KIAA1217: variants seen among roughly 807,000 people sequenced by gnomAD.
KIAA1217 encodes the protein KIAA1217.
Under a neutral mutation model 163.9 loss-of-function variants are expected in KIAA1217, and 88 were observed. That is an observed-to-expected ratio of 0.54 (90% confidence interval 0.45 to 0.64). KIAA1217 has a LOEUF of 0.64. Ranked by LOEUF, KIAA1217 falls within the 30% of genes least tolerant of loss-of-function variation. The probability of loss-of-function intolerance (pLI) is 0.00; values close to 1 mark genes in which losing one functional copy is unlikely to be tolerated. For missense variants in KIAA1217, 2,372 were observed against 2,475.0 expected (o/e 0.96, Z 0.88); for synonymous variants, 903 against 923.1 (o/e 0.98, Z 0.39).
At chr10:23,790,380 TATATACATATGTATATATACATATATAC>T (rs1835785374) in intron 1 of KIAA1217, among the ~76,000 whole-genome samples, 1 of 81,240 alleles carries the variant, frequency 1.2e-5, no homozygotes, top group Non-Finnish European at 2.5e-5. Context: ...TACATATGTA[TATATACATATGTATATATACATATATAC>T]ATATACATAT....
intron 4 of KIAA1217, among the ~76,000 whole-genome samples, chr10:24,436,576 G>A (rs964313819): frequency 6.6e-6 from 1 of 151,476 alleles, no homozygotes. Flanking sequence ...GGTTAACACA[G>A]TGAAAACCCG....
At chr10:23,700,176 C>G (rs1406135990) in intron 1 of KIAA1217, among the ~76,000 whole-genome samples, 1 of 152,140 alleles carries the variant, frequency 6.6e-6, no homozygotes, top group Admixed American at 6.5e-5. Context: ...AGTGGCAGCC[C>G]CATTTTTGTC....
chr10:24,249,964 G>A (rs1482170413), intron 2 of KIAA1217, among the ~76,000 whole-genome samples: 1 of 152,196 alleles, frequency 6.6e-6, no homozygotes, highest in Non-Finnish European at 1.5e-5. Flanking sequence ...ATCAATGACT[G>A]ACTTCTTGCC....
chr10:24,201,397 A>G (rs1028571840), intron 2 of KIAA1217, among the ~76,000 whole-genome samples: 2 of 152,178 alleles, frequency 1.3e-5, no homozygotes, highest in African/African-American at 4.8e-5. Flanking sequence ...ATCCCACTCA[A>G]TATTGTCCAG....
intron 2 of KIAA1217, among the ~76,000 whole-genome samples, chr10:24,377,595 T>TA (rs1020076967): frequency 6.6e-6 from 1 of 152,138 alleles, no homozygotes; most frequent in African/African-American, 2.4e-5. Flanking sequence ...TTTCTTATGG[T>TA]AAAAAAATGA....
chr10:24,331,448 C>T (rs915395009), intron 2 of KIAA1217, among the ~76,000 whole-genome samples: 4 of 152,210 alleles, frequency 2.6e-5, no homozygotes, highest in Admixed American at 2.0e-4. Flanking sequence ...GAGGAAGCAG[C>T]TATCAATGCA....
At chr10:23,878,103 G>A (rs1423082801) in intron 1 of KIAA1217, among the ~76,000 whole-genome samples, 1 of 151,898 alleles carries the variant, frequency 6.6e-6, no homozygotes, top group Non-Finnish European at 1.5e-5. Context: ...TCTAAAACAA[G>A]AAGACCGACT....
chr10:24,045,903 T>C (rs1848982337), intron 2 of KIAA1217, among the ~76,000 whole-genome samples: 1 of 152,102 alleles, frequency 6.6e-6, no homozygotes, highest in Admixed American at 6.6e-5. Flanking sequence ...TTGAAACTCA[T>C]GTTCACCTAT....
At chr10:24,420,929 G>A (rs572648646) in intron 3 of KIAA1217, among the ~76,000 whole-genome samples, 141 of 152,194 alleles carry the variant, frequency 9.3e-4, no homozygotes, top group African/African-American at 3.1e-3. Context: ...GATACCTGGT[G>A]GAGCAAGTAC....
chr10:23,766,503 G>C (rs1390988095), intron 1 of KIAA1217, among the ~76,000 whole-genome samples: 3 of 151,322 alleles, frequency 2.0e-5, no homozygotes, highest in African/African-American at 7.3e-5. Context: ...GTATCACTAT[G>C]TGCTCAAGTT....
chr10:24,171,368 T>G (rs1245049515), intron 2 of KIAA1217, among the ~76,000 whole-genome samples: 2 of 152,342 alleles, frequency 1.3e-5, no homozygotes, highest in East Asian at 3.9e-4. Flanking sequence ...GTCTAGATAT[T>G]TACAAAGTCT....
At chr10:24,222,528 T>C (rs2069801289) in intron 2 of KIAA1217, among the ~76,000 whole-genome samples, 1 of 152,168 alleles carries the variant, frequency 6.6e-6, no homozygotes, top group African/African-American at 2.4e-5. Flanking sequence ...GGAGTCTCGC[T>C]CTGTTGCCCA....
intron 1 of KIAA1217, among the ~76,000 whole-genome samples, chr10:23,725,423 A>G (rs1838081904): frequency 6.6e-6 from 1 of 152,240 alleles, no homozygotes; most frequent in African/African-American, 2.4e-5. Flanking sequence ...CACAGAAACC[A>G]TGACCTATGT....
intron 6 of KIAA1217, among the ~76,000 whole-genome samples, chr10:24,486,339 T>C (rs1407576549): frequency 6.6e-6 from 1 of 152,214 alleles, no homozygotes; most frequent in African/African-American, 2.4e-5. Flanking sequence ...GTAGGGAGAA[T>C]GCCCTTCTCG....
chr10:24,217,891 A>G (rs1042796632), intron 1 of KIAA1217, among the ~76,000 whole-genome samples: 2 of 152,238 alleles, frequency 1.3e-5, no homozygotes, highest in Non-Finnish European at 2.9e-5. Context: ...GGCTCTTTGC[A>G]TACCTAATGT....
intron 1 of KIAA1217, among the ~76,000 whole-genome samples, chr10:23,734,916 C>A (rs1483290751): frequency 1.3e-5 from 2 of 152,044 alleles, no homozygotes; most frequent in Non-Finnish European, 2.9e-5. Context: ...GGTATTAAGT[C>A]TATACCTGGT....
intron 2 of KIAA1217, among the ~76,000 whole-genome samples, chr10:24,201,101 T>C (rs2067233795): frequency 2.0e-5 from 3 of 151,988 alleles, no homozygotes; most frequent in African/African-American, 7.3e-5. Flanking sequence ...TGAAACCCTG[T>C]CTCTACCAAA....
At chr10:24,516,346 A>T (rs961670862) in intron 10 of KIAA1217, among the ~76,000 whole-genome samples, 1 of 152,178 alleles carries the variant, frequency 6.6e-6, no homozygotes, top group African/African-American at 2.4e-5. Context: ...TGTATCTTAG[A>T]CCATACTCAG....
intron 1 of KIAA1217, among the ~76,000 whole-genome samples, chr10:23,991,372 T>C (rs1846210164): frequency 6.6e-6 from 1 of 152,190 alleles, no homozygotes; most frequent in South Asian, 2.1e-4. Flanking sequence ...CACTCAGATA[T>C]GCATAGCCCT....
Sources: gnomAD v4.1 joint callset for allele counts (sites outside exome capture counted in the v4.1 genomes callset) on GRCh38, gnomAD v4.1.1 for gene constraint, MANE v1.5 for transcripts, NCBI Gene and HGNC (gene_info 2026-07-23, HGNC 2026-07-21) for gene names.